EXOC3L1: variants seen among roughly 807,000 people sequenced by gnomAD.
The protein encoded by EXOC3L1 is exocyst complex component 3 like 1.
Under a neutral mutation model 83.6 loss-of-function variants are expected in EXOC3L1, and 79 were observed. The observed-to-expected ratio is 0.95, with a 90% confidence interval of 0.79 to 1.14. EXOC3L1 has a LOEUF of 1.14. Among genes scored for constraint, EXOC3L1 ranks in the 50% most tolerant of loss-of-function variants. The pLI is 0.00. For missense variants in EXOC3L1, 945 were observed against 972.0 expected (o/e 0.97, Z 0.37); for synonymous variants, 433 against 451.2 (o/e 0.96, Z 0.51).
Position 67,189,979 on chromosome 16 carries a change from A to ACCCTT in EXOC3L1, c.-17_-16insAAGGG, listed in dbSNP as rs2032838635. On this transcript the variant is annotated 5_prime_UTR_variant, in exon 1 of 14. Coordinates refer to ENST00000314586, the MANE Select transcript of EXOC3L1 (RefSeq NM_178516.4). Reference sequence around the variant, plus strand: ...TTTGGTACAGAACTTACCAGATTTGATCAGGCGTCCAGTTCTCCCTCCAAA... The same window carrying ACCCTT: ...TTTGGTACAGAACTTACCAGATTTGACCCTTTCAGGCGTCCAGTTCTCCCTCCAAA... 2 of 392,334 alleles carry ACCCTT rather than the reference A, an allele frequency of 5.1e-6. No homozygotes were observed. The highest frequency in any genetic ancestry group is 2.1e-5 in the African/African-American group (1 of 48,748). 24.3% of individuals were successfully genotyped at this position (392,334 alleles called of 1,614,324 possible). A position where few individuals can be genotyped will look rare whatever the true frequency, so the allele number is the denominator to read the frequency against.
chr16:67,185,611 G>A (rs1269739900), intron 9 of EXOC3L1, 121 bp from the exon 10 acceptor site: 10 of 909,280 alleles, frequency 1.1e-5, no homozygotes, highest in African/African-American at 6.6e-5. Context: ...CGAGAACAGC[G>A]GCTCTCTGCA....
intron 4 of EXOC3L1, 113 bp from the exon 5 acceptor site, chr16:67,187,950 A>G: frequency 7.3e-7 from 1 of 1,378,422 alleles, no homozygotes; most frequent in Non-Finnish European, 9.7e-7. Context: ...ATATTTAACA[A>G]CCAGTAGAGT....
Position 67,187,737 on chromosome 16 carries a change from C to T in EXOC3L1, c.528G>A (p.Thr176=), listed in dbSNP as rs745345276. Residue 176 remains threonine, a synonymous_variant, in exon 5 of 14, where the codon ACG becomes ACA. Transcript: ENST00000314586. ...LRELEQLRED[T]WAPLGGLELP... is the part of the protein sequence containing the mutation. Reference sequence around the variant, plus strand: ...ACTCCAGGCCCCCCAGGGGTGCCCACGTATCCTCTCGCAGCTGCTCCAGCT... The same window carrying T: ...ACTCCAGGCCCCCCAGGGGTGCCCATGTATCCTCTCGCAGCTGCTCCAGCT... The T allele has an allele frequency of 5.0e-6, 8 of 1,612,926 alleles. No homozygotes were observed. The highest frequency in any genetic ancestry group is 1.7e-5 in the Admixed American group (1 of 59,990).
chr16:67,188,841 C>A lies in EXOC3L1; in HGVS notation c.307G>T (p.Ala103Ser). The A allele has an allele frequency of 6.2e-7, 1 of 1,613,314 alleles. No homozygotes were observed. Among genetic ancestry groups the A allele is most frequent in the Non-Finnish European group, 8.5e-7 (1 of 1,180,016 alleles). Residue 103 changes from alanine to serine, a missense_variant, in exon 4 of 14, where the codon GCC becomes TCC. Coordinates refer to ENST00000314586, the MANE Select transcript of EXOC3L1 (RefSeq NM_178516.4). ...VQGTREALSQARGLLQGMSQA... is the reference protein window; with the variant it reads ...VQGTREALSQSRGLLQGMSQA... ...GACATGCCCTGGAGCAACCCACGGGCCTGGCTCAGGGCCTCCCGGGTTCCC... is the reference window on the plus strand; with the variant it reads ...GACATGCCCTGGAGCAACCCACGGGACTGGCTCAGGGCCTCCCGGGTTCCC...
chr16:67,187,643 C>G lies in EXOC3L1; in HGVS notation c.622G>C (p.Ala208Pro). 6.2e-7 allele frequency: 1 copy of G among 1,610,220 alleles called. No homozygotes were observed. The highest frequency in any genetic ancestry group is 8.5e-7 in the Non-Finnish European group (1 of 1,178,498). The change falls in exon 5 of 14, where the codon GCC becomes CCC. Residue 208 changes from alanine to proline, a missense_variant. Physicochemically the swap from Ala to Pro is conservative, Grantham distance 27. Coordinates refer to ENST00000314586, the MANE Select transcript of EXOC3L1 (RefSeq NM_178516.4). ...LGQAVEAAAG[A>P]AGKLAREDPA... ...TCCTCCCGTGCCAGCTTCCCTGCGG[C>G]CCCTGCAGCTGCTTCCACAGCCTGG...
intron 2 of EXOC3L1, 57 bp downstream of exon 2, chr16:67,189,574 G>C: frequency 6.3e-7 from 1 of 1,599,672 alleles, no homozygotes; most frequent in Non-Finnish European, 8.6e-7. Context: ...ACTGCGCCCA[G>C]CCAGTCCCAT....
In EXOC3L1 at chr16:67,186,741, T is replaced by C; in HGVS notation, c.1284+18A>G. 6.2e-7 allele frequency: 1 copy of C among 1,613,788 alleles called. No homozygotes were observed. ...GCCCCATGGAGGCTGCCTGCCTGTC[T>C]GGCCACTTCCCACCTACCTGCAGCA... On this transcript the variant is annotated intron_variant, in intron 7 of 13. Coordinates refer to ENST00000314586, the MANE Select transcript of EXOC3L1 (RefSeq NM_178516.4).
Position 67,185,240 on chromosome 16 carries a change from G to T in EXOC3L1, c.1645C>A (p.Pro549Thr). ...GGGCTCGACAGCCATTGGCGCGAGG[G>T]CAGATCCGCGAACAGGGGCTGGGGA... is the stretch of plus-strand genomic sequence containing the variant. ...AELQPLFADL[P>T]SRQWLSSPEL... The change falls in exon 11 of 14, where the codon CCC becomes ACC. Residue 549 changes from proline (P) to threonine (T), a missense_variant. By Grantham distance (38) the Pro-to-Thr change is conservative. Transcript: ENST00000314586. 6.2e-7 allele frequency: 1 copy of T among 1,613,582 alleles called. No homozygotes were observed. The highest frequency in any genetic ancestry group is 8.5e-7 in the Non-Finnish European group (1 of 1,180,032).
chr16:67,185,124 C>G lies in EXOC3L1; in HGVS notation c.1749+12G>C. 2 of 1,613,038 alleles carry G rather than the reference C, an allele frequency of 1.2e-6. No homozygotes were observed. Among genetic ancestry groups the G allele is most frequent in the Non-Finnish European group, 1.7e-6 (2 of 1,180,010 alleles). ...CGCGCCGCCCCTTCCCCAATCTTTTCCCCCAACCCACCTGAACCGTGGGGT... is the reference window on the plus strand; with the variant it reads ...CGCGCCGCCCCTTCCCCAATCTTTTGCCCCAACCCACCTGAACCGTGGGGT... On this transcript the variant is annotated intron_variant, in intron 11 of 13. Coordinates refer to ENST00000314586, the MANE Select transcript of EXOC3L1 (RefSeq NM_178516.4).
chr16:67,189,074 G>A lies in EXOC3L1; in HGVS notation c.153C>T (p.Gly51=). The A allele has an allele frequency of 4.4e-6, 7 of 1,607,604 alleles. No individual in the cohort carries two copies. The highest frequency in any genetic ancestry group is 5.1e-6 in the Non-Finnish European group (6 of 1,178,498). The stretch of plus-strand genomic sequence containing the variant: ...GCTGCACCTCGCGGCTGCGGTACTG[G>A]CCTAGCCTGGCCAGCTGCTCCGGCC... The part of the protein sequence containing the change: ...FYRPEQLARL[G]QYRSREVQRT... The change falls in exon 3 of 14, where the codon GGC becomes GGT. Residue 51 remains glycine (G), a synonymous_variant. Coordinates refer to ENST00000314586, the MANE Select transcript of EXOC3L1 (RefSeq NM_178516.4).
chr16:67,187,389 T>G lies in EXOC3L1; in HGVS notation c.876A>C (p.Ala292=). ...GTGGCGGGCAGCAAGGCGCTACTAGTGCCTCAGCTGTGGCCAACTCGACTG... is the reference window on the plus strand; with the variant it reads ...GTGGCGGGCAGCAAGGCGCTACTAGGGCCTCAGCTGTGGCCAACTCGACTG... ...ALPVELATAE[A]LVAPCCPPQY... The change falls in exon 5 of 14, where the codon GCA becomes GCC. Residue 292 remains alanine (A), a synonymous_variant. Transcript: ENST00000314586. 1.2e-6 allele frequency: 2 copies of G among 1,612,546 alleles called. No homozygotes were observed. The highest frequency in any genetic ancestry group is 8.5e-7 in the Non-Finnish European group (1 of 1,179,950).
Position 67,187,229 on chromosome 16 carries a change from G to C in EXOC3L1, c.1036C>G (p.Leu346Val). The change falls in exon 5 of 14, where the codon CTG becomes GTG. Residue 346 changes from leucine to valine, a missense_variant. Leu to Val is a conservative substitution (Grantham distance 32). Transcript: ENST00000314586. ...CGCTGCCCCAAAGGCACTGACCCCAGGTACACATGCAGTGCCCAGTGCAGC... is the reference window on the plus strand; with the variant it reads ...CGCTGCCCCAAAGGCACTGACCCCACGTACACATGCAGTGCCCAGTGCAGC... ...ALLHWALHVY[L>V]GQEMMGSLEL... 1 of 1,610,252 alleles carries C rather than the reference G, an allele frequency of 6.2e-7. No individual in the cohort carries two copies. Among genetic ancestry groups the C allele is most frequent in the Non-Finnish European group, 8.5e-7 (1 of 1,177,700 alleles).
Position 67,189,536 on chromosome 16 carries a change from C to A in EXOC3L1, c.46+95G>T. On this transcript the variant is annotated intron_variant, in intron 2 of 13. Transcript: ENST00000314586. ...AGGTCATCTGCCCATCTTGACCTCCCAAAGTGTTGGGATTACAGGCGTGAG... is the reference window on the plus strand; with the variant it reads ...AGGTCATCTGCCCATCTTGACCTCCAAAAGTGTTGGGATTACAGGCGTGAG... The A allele has an allele frequency of 2.0e-6, 3 of 1,479,626 alleles. No individual in the cohort carries two copies. The South Asian group carries it at 3.5e-5, about 17-fold the overall frequency. The allele number at this position is 1,479,626 out of a possible 1,614,324, so 91.7% of individuals were successfully genotyped here.
chr16:67,185,223 C>G lies in EXOC3L1; in HGVS notation c.1662G>C (p.Leu554=), dbSNP rs148629602. Residue 554 remains leucine, a synonymous_variant, in exon 11 of 14, where the codon CTG becomes CTC. Coordinates refer to ENST00000314586, the MANE Select transcript of EXOC3L1 (RefSeq NM_178516.4). ...LFADLPSRQW[L]SSPELLQSVC... ...CACTTTGCAGGAGCTCAGGGCTCGA[C>G]AGCCATTGGCGCGAGGGCAGATCCG... 39 of 1,613,550 alleles carry G rather than the reference C, an allele frequency of 2.4e-5. No homozygotes were observed. In the East Asian group the frequency reaches 8.5e-4, roughly 35 times the overall value.
intron 9 of EXOC3L1, 113 bp downstream of exon 9, chr16:67,186,124 C>T (rs919578056): frequency 9.6e-6 from 7 of 730,844 alleles, no homozygotes; most frequent in Middle Eastern, 2.4e-4. Flanking sequence ...ATTGGAACCC[C>T]AGGGCGATGT....
rs781608680 is a variant in EXOC3L1 at position 67,184,585 on chromosome 16, G to GGGC, written c.2047_2049dup (p.Ala683dup). On this transcript the variant is annotated inframe_insertion, in exon 14 of 14. Coordinates refer to ENST00000314586, the MANE Select transcript of EXOC3L1 (RefSeq NM_178516.4). ...GACAAGTCCCCGCGCAGGCCCAAGA[G>GGGC]GGCGGAGACGTGGTCCTCGCTGCAG... 9 of 1,576,062 alleles carry GGGC rather than the reference G, an allele frequency of 5.7e-6. No homozygotes were observed. Among genetic ancestry groups the GGGC allele is most frequent in the Non-Finnish European group, 6.8e-6 (8 of 1,167,960 alleles).
rs748834819 is a variant in EXOC3L1 at position 67,185,125 on chromosome 16, C to T, written c.1749+11G>A. 1 of 1,613,176 alleles carries T rather than the reference C, an allele frequency of 6.2e-7. No homozygotes were observed. The highest frequency in any genetic ancestry group is 8.5e-7 in the Non-Finnish European group (1 of 1,180,026). On this transcript the variant is annotated intron_variant, in intron 11 of 13. Transcript: ENST00000314586. ...GCGCCGCCCCTTCCCCAATCTTTTC[C>T]CCCAACCCACCTGAACCGTGGGGTT... is the stretch of plus-strand genomic sequence containing the variant.
At chr16:67,188,484 G>C (rs1217934767) in intron 4 of EXOC3L1, among the ~76,000 whole-genome samples, 1 of 152,180 alleles carries the variant, frequency 6.6e-6, no homozygotes, top group Non-Finnish European at 1.5e-5. Flanking sequence ...TGAATATACT[G>C]ATAACCAGGT....
chr16:67,189,105 A>G lies in EXOC3L1; in HGVS notation c.122T>C (p.Phe41Ser). 1 of 1,608,442 alleles carries G rather than the reference A, an allele frequency of 6.2e-7. No individual in the cohort carries two copies. Among genetic ancestry groups the G allele is most frequent in the South Asian group, 1.1e-5 (1 of 90,794 alleles). ...GAALKWASGI[F>S]YRPEQLARLG... is the part of the protein sequence containing the mutation. ...CCTGGCCAGCTGCTCCGGCCGGTAG[A>G]AGATGCCTGAGGCCCACTTGAGCGC... Residue 41 changes from phenylalanine to serine, a missense_variant, in exon 3 of 14, where the codon TTC (phenylalanine) becomes TCC (serine). Phe to Ser is a radical substitution (Grantham distance 155). Coordinates refer to ENST00000314586, the MANE Select transcript of EXOC3L1 (RefSeq NM_178516.4).
Sources: gnomAD v4.1 joint callset for allele counts (sites outside exome capture counted in the v4.1 genomes callset) on GRCh38, gnomAD v4.1.1 for gene constraint, MANE v1.5 for transcripts, NCBI Gene and HGNC (gene_info 2026-07-23, HGNC 2026-07-21) for gene names.